The following CABLES1 variants were observed in gnomAD, a reference collection of about 807,000 sequenced individuals.
CABLES1 encodes the protein CDK5 and ABL1 enzyme substrate 1.
Under a neutral mutation model 57.8 loss-of-function variants are expected in CABLES1, and 36 were observed. That is an observed-to-expected ratio of 0.62 (90% CI 0.48 to 0.82). The LOEUF is 0.82. Among genes scored for constraint, CABLES1 ranks in the 40% least tolerant of loss-of-function variants. The probability of loss-of-function intolerance (pLI) is 0.00; values close to 1 mark genes in which losing one functional copy is unlikely to be tolerated. For missense variants in CABLES1, 767 were observed against 836.6 expected (o/e 0.92, Z 1.03); for synonymous variants, 374 against 363.0 (o/e 1.03, Z -0.35).
At chr18:23,143,952 C>G (rs552960054) in intron 1 of CABLES1, among the ~76,000 whole-genome samples, 9 of 152,344 alleles carry the variant, frequency 5.9e-5, no homozygotes, top group African/African-American at 1.7e-4. Context: ...GCAACCTCCC[C>G]CGCTCCCACA....
chr18:23,219,727 A>G (rs2047472298), intron 4 of CABLES1, among the ~76,000 whole-genome samples: 1 of 152,178 alleles, frequency 6.6e-6, no homozygotes, highest in Non-Finnish European at 1.5e-5. Context: ...CAGATACTAC[A>G]AGGACCCTGT....
At chr18:23,155,889 G>C (rs575365045) in intron 1 of CABLES1, 2 of 1,613,806 alleles carry the variant, frequency 1.2e-6, no homozygotes, top group African/African-American at 1.3e-5. Flanking sequence ...TGAAGCCTCT[G>C]CCTCCTTCCT....
intron 1 of CABLES1, among the ~76,000 whole-genome samples, chr18:23,167,302 C>T (rs1458609299): frequency 1.3e-5 from 2 of 152,152 alleles, no homozygotes; most frequent in Non-Finnish European, 2.9e-5. Flanking sequence ...CGGCCCCTCA[C>T]GCTCTTCACC....
intron 1 of CABLES1, among the ~76,000 whole-genome samples, chr18:23,184,022 A>G (rs2047185294): frequency 6.6e-6 from 1 of 152,166 alleles, no homozygotes; most frequent in African/African-American, 2.4e-5. Flanking sequence ...ACCAGTTCAC[A>G]GGGCAACCCT....
Position 23,136,513 on chromosome 18 carries a change from G to A in CABLES1, c.751G>A (p.Ala251Thr). The change falls in exon 1 of 10, where the codon GCC (alanine) becomes ACC (threonine). Residue 251 changes from alanine (A) to threonine (T), a missense_variant. By Grantham distance (58) the Ala-to-Thr change is moderately conservative. Coordinates refer to ENST00000256925, the MANE Select transcript of CABLES1 (RefSeq NM_001100619.3). ...NSFTQGILPI[A>T]FSRPTSQNYC... Reference sequence around the variant, plus strand: ...GTTCACTCAGGGAATCCTGCCCATCGCCTTCTCCAGGCCGACTTCGCAGAA... The same window carrying A: ...GTTCACTCAGGGAATCCTGCCCATCACCTTCTCCAGGCCGACTTCGCAGAA... The A allele has an allele frequency of 1.9e-6, 3 of 1,593,748 alleles. No homozygotes were observed. The highest frequency in any genetic ancestry group is 2.3e-5 in the East Asian group (1 of 43,032).
intron 1 of CABLES1, among the ~76,000 whole-genome samples, chr18:23,159,372 T>G (rs1020321898): frequency 6.6e-6 from 1 of 152,264 alleles, no homozygotes; most frequent in Non-Finnish European, 1.5e-5. Context: ...GTATTTGCCC[T>G]GTTGTCTTCA....
chr18:23,167,265 A>C (rs916164831), intron 1 of CABLES1, among the ~76,000 whole-genome samples: 1 of 151,824 alleles, frequency 6.6e-6, no homozygotes, highest in African/African-American at 2.4e-5. Flanking sequence ...GACTTCCTGG[A>C]TTTTTCCTCA....
intron 1 of CABLES1, among the ~76,000 whole-genome samples, chr18:23,174,502 C>T (rs552392560): frequency 1.7e-4 from 26 of 150,784 alleles, no homozygotes; most frequent in Middle Eastern, 6.8e-3. Context: ...GACAGAGTCT[C>T]GCTGTGTCGC....
At chr18:23,166,984 A>G (rs2047047427) in intron 1 of CABLES1, among the ~76,000 whole-genome samples, 1 of 152,154 alleles carries the variant, frequency 6.6e-6, no homozygotes, top group African/African-American at 2.4e-5. Context: ...CCCGTTTTAT[A>G]GCAAAACAAG....
At chr18:23,146,976 AGTCAGTCAAG>A (rs1006532315) in intron 1 of CABLES1, among the ~76,000 whole-genome samples, 2 of 152,192 alleles carry the variant, frequency 1.3e-5, no homozygotes, top group Admixed American at 6.5e-5. Context: ...TATGGGCTGG[AGTCAGTCAAG>A]GTCAGTATGT....
chr18:23,213,858 T>C (rs2047422065), intron 3 of CABLES1, 119 bp from the exon 4 acceptor site: 1 of 633,474 alleles, frequency 1.6e-6, no homozygotes, highest in Non-Finnish European at 2.7e-6. Context: ...GAGGAGGTGG[T>C]GGGAGCGTGC....
intron 4 of CABLES1, among the ~76,000 whole-genome samples, chr18:23,233,858 T>C (rs2047583330): frequency 6.6e-6 from 1 of 152,228 alleles, no homozygotes; most frequent in South Asian, 2.1e-4. Flanking sequence ...AGTAGGTGTT[T>C]AGGATAAGAA....
intron 1 of CABLES1, among the ~76,000 whole-genome samples, chr18:23,188,250 T>C (rs1419780168): frequency 1.3e-5 from 2 of 152,220 alleles, no homozygotes; most frequent in Non-Finnish European, 2.9e-5. Context: ...ATGTTTTGCG[T>C]AATCATGCCA....
intron 9 of CABLES1, among the ~76,000 whole-genome samples, chr18:23,254,307 C>T (rs1169360371): frequency 6.6e-6 from 1 of 152,210 alleles, no homozygotes; most frequent in Non-Finnish European, 1.5e-5. Flanking sequence ...ACCTTGGCTT[C>T]CTACTTCCTT....
intron 1 of CABLES1, among the ~76,000 whole-genome samples, chr18:23,170,271 C>T (rs2047073047): frequency 6.6e-6 from 1 of 152,104 alleles, no homozygotes; most frequent in Non-Finnish European, 1.5e-5. Context: ...AAATTGTTCC[C>T]AAAAGGAAAT....
intron 3 of CABLES1, among the ~76,000 whole-genome samples, chr18:23,212,149 A>C (rs2047409676): frequency 6.6e-6 from 1 of 152,248 alleles, no homozygotes; most frequent in Non-Finnish European, 1.5e-5. Context: ...AGGCCTGGGT[A>C]TTTAGCACAG....
intron 4 of CABLES1, among the ~76,000 whole-genome samples, chr18:23,217,329 T>G (rs923811622): frequency 6.6e-6 from 1 of 152,182 alleles, no homozygotes; most frequent in African/African-American, 2.4e-5. Flanking sequence ...GTGATCCTCC[T>G]GCCTCGGCCT....
chr18:23,189,540 C>T (rs1293956161), intron 2 of CABLES1, among the ~76,000 whole-genome samples: 2 of 152,206 alleles, frequency 1.3e-5, no homozygotes, highest in African/African-American at 4.8e-5. Flanking sequence ...ACTGCACCCC[C>T]TTCCATCCTC....
At chr18:23,184,667 C>T (rs1454742120) in intron 1 of CABLES1, among the ~76,000 whole-genome samples, 1 of 152,064 alleles carries the variant, frequency 6.6e-6, no homozygotes, top group Non-Finnish European at 1.5e-5. Context: ...TGTGCCACTG[C>T]ACTCCATCCT....
Sources: gnomAD v4.1 joint callset for allele counts (sites outside exome capture counted in the v4.1 genomes callset) on GRCh38, gnomAD v4.1.1 for gene constraint, MANE v1.5 for transcripts, NCBI Gene and HGNC (gene_info 2026-07-23, HGNC 2026-07-21) for gene names.